Variants in MAPK10 observed in about 807,000 individuals in gnomAD.
MAPK10 encodes JNK3 alpha protein kinase.
MAPK10 carries 25 observed loss-of-function variants against 59.3 expected under a neutral mutation model. The observed-to-expected ratio is 0.42, with a 90% CI of 0.31 to 0.59. The LOEUF is 0.59. Ranked by LOEUF, MAPK10 falls within the 20% of genes least tolerant of loss-of-function variation. The pLI, the probability that MAPK10 is intolerant of heterozygous loss-of-function variation, is 0.15. For synonymous variants in MAPK10, 190 were observed against 200.5 expected (o/e 0.95, Z 0.44); for missense variants, 351 against 568.9 (o/e 0.62, Z 3.90).
chr4:86,544,041 T>C (rs1758944306), intron 1 of MAPK10, among the ~76,000 whole-genome samples: 1 of 152,222 alleles, frequency 6.6e-6, no homozygotes, highest in African/African-American at 2.4e-5. Flanking sequence ...TTTGTCTCTT[T>C]GTCCAATATA....
At chr4:86,149,301 C>T (rs1247020139) in intron 4 of MAPK10, among the ~76,000 whole-genome samples, 1 of 152,070 alleles carries the variant, frequency 6.6e-6, no homozygotes, top group Non-Finnish European at 1.5e-5. Flanking sequence ...GAGTTTCATT[C>T]TTCCACCCAG....
intron 13 of MAPK10, among the ~76,000 whole-genome samples, chr4:86,021,557 G>A (rs867505495): frequency 2.6e-5 from 4 of 152,252 alleles, no homozygotes; most frequent in Non-Finnish European, 4.4e-5. Flanking sequence ...AGTGGATCCC[G>A]TACCAGGGCT....
chr4:86,052,417 G>A (rs886883956), intron 11 of MAPK10, among the ~76,000 whole-genome samples: 11 of 152,014 alleles, frequency 7.2e-5, no homozygotes, highest in East Asian at 1.9e-4. Context: ...AAGGAACTCC[G>A]AAGATCTGAA....
At chr4:86,154,614 G>T (rs1392460786) in intron 4 of MAPK10, among the ~76,000 whole-genome samples, 1 of 151,990 alleles carries the variant, frequency 6.6e-6, no homozygotes, top group Non-Finnish European at 1.5e-5. Flanking sequence ...GACAATTTCA[G>T]ATTTATAAAG....
intron 2 of MAPK10, among the ~76,000 whole-genome samples, chr4:86,216,395 A>T (rs918316928): frequency 9.3e-5 from 14 of 151,156 alleles, no homozygotes; most frequent in African/African-American, 3.1e-4. Flanking sequence ...TGTTGGTGAT[A>T]GTTGCACATG....
At chr4:86,179,377 T>G (rs1302014449) in intron 3 of MAPK10, among the ~76,000 whole-genome samples, 1 of 151,960 alleles carries the variant, frequency 6.6e-6, no homozygotes, top group East Asian at 1.9e-4. Context: ...AATGAAAAGA[T>G]ATCTCATGCT....
chr4:86,482,673 A>G (rs960560797), intron 1 of MAPK10, among the ~76,000 whole-genome samples: 1 of 152,200 alleles, frequency 6.6e-6, no homozygotes, highest in Non-Finnish European at 1.5e-5. Flanking sequence ...CTAGCTCAGT[A>G]AAGTTTGGAA....
chr4:86,123,691 C>G (rs2059625335), intron 4 of MAPK10: 2 of 151,986 alleles, frequency 1.3e-5, no homozygotes, highest in African/African-American at 4.8e-5. Context: ...TTTAATTCTG[C>G]AAATAAATTA....
chr4:86,102,607 GT>G (rs2055677614), intron 6 of MAPK10: 1 of 153,264 alleles, frequency 6.5e-6, no homozygotes, highest in Non-Finnish European at 1.5e-5. Flanking sequence ...TGCAACCTCC[GT>G]CTCCCGGGTT....
intron 4 of MAPK10, among the ~76,000 whole-genome samples, chr4:86,131,004 G>C (rs1580858048): frequency 6.6e-6 from 1 of 152,130 alleles, no homozygotes; most frequent in Non-Finnish European, 1.5e-5. Flanking sequence ...GGGGAAGATA[G>C]TGAAAGCTTA....
In MAPK10 at chr4:86,507,625, T is replaced by G. The variant is rs1461058161; in HGVS notation, c.-263+86285A>C. Reference sequence around the variant, plus strand: ...AAAGAATAAACTGGAGATATATATATATATATATATATATATATATATATA... The same window carrying G: ...AAAGAATAAACTGGAGATATATATAGATATATATATATATATATATATATA... On this transcript the variant is annotated intron_variant, in intron 1 of 4. Coordinates refer to the MAPK10 transcript ENST00000502302. 1.6e-3 allele frequency among the ~76,000 whole-genome samples: 60 copies of G among 38,072 alleles called. 1 individual carries two copies. Among genetic ancestry groups the G allele is most frequent in the African/African-American group, 3.7e-3 (28 of 7,660 alleles). 25.0% of individuals were successfully genotyped at this position (38,072 alleles called of 152,430 possible).
chr4:86,429,095 C>A (rs747169387), intron 1 of MAPK10, among the ~76,000 whole-genome samples: 1 of 152,080 alleles, frequency 6.6e-6, no homozygotes, highest in Non-Finnish European at 1.5e-5. Flanking sequence ...GGTATATTAT[C>A]AATATTTTTC....
intron 1 of MAPK10, among the ~76,000 whole-genome samples, chr4:86,544,869 A>C (rs2149096736): frequency 6.6e-6 from 1 of 152,070 alleles, no homozygotes; most frequent in South Asian, 2.1e-4. Context: ...TTTCAAACTG[A>C]AAGGTTTTTT....
At chr4:86,043,585 T>G (rs993604541) in intron 11 of MAPK10, among the ~76,000 whole-genome samples, 4 of 152,182 alleles carry the variant, frequency 2.6e-5, no homozygotes, top group African/African-American at 4.8e-5. Context: ...TTTGATTCTT[T>G]GTTCTTTGAA....
At position 86,064,400 on chromosome 4, in the gene MAPK10, TA is replaced by T; in HGVS notation, c.986-11del. The stretch of plus-strand genomic sequence containing the variant: ...TCCCTGGCTTGGCTGGCTGAAACAA[TA>T]AATGAGAAAAACAATTAGTAAGATT... On this transcript the variant is annotated splice_polypyrimidine_tract_variant and intron_variant, in intron 10 of 13. Coordinates refer to ENST00000641462, the MANE Select transcript of MAPK10 (RefSeq NM_138982.4). 1 of 1,610,134 alleles carries T rather than the reference TA, an allele frequency of 6.2e-7. No homozygotes were observed. The highest frequency in any genetic ancestry group is 1.1e-5 in the South Asian group (1 of 89,952).
At chr4:86,452,556 T>G (rs1378684007) in intron 1 of MAPK10, among the ~76,000 whole-genome samples, 3 of 152,096 alleles carry the variant, frequency 2.0e-5, no homozygotes, top group Non-Finnish European at 4.4e-5. Context: ...TCTGAAAGCT[T>G]CTTTCAGTTT....
At chr4:86,256,992 C>G (rs2093768683) in intron 2 of MAPK10, among the ~76,000 whole-genome samples, 1 of 151,552 alleles carries the variant, frequency 6.6e-6, no homozygotes, top group African/African-American at 2.4e-5. Context: ...CCTCATGATC[C>G]GCCCGCCTCG....
intron 2 of MAPK10, among the ~76,000 whole-genome samples, chr4:86,332,882 T>C (rs373375451): frequency 2.6e-5 from 4 of 152,196 alleles, no homozygotes; most frequent in East Asian, 3.8e-4. Flanking sequence ...TTTCTGGCCA[T>C]AGGTTTTGCA....
intron 4 of MAPK10, among the ~76,000 whole-genome samples, chr4:86,145,007 A>C (rs2064549751): frequency 6.6e-6 from 1 of 152,216 alleles, no homozygotes; most frequent in African/African-American, 2.4e-5. Flanking sequence ...ACCCAAAAAA[A>C]CAAAAAAGAT....
Sources: gnomAD v4.1 joint callset for allele counts (sites outside exome capture counted in the v4.1 genomes callset) on GRCh38, gnomAD v4.1.1 for gene constraint, MANE v1.5 for transcripts, NCBI Gene and HGNC (gene_info 2026-07-23, HGNC 2026-07-21) for gene names.